RSU1: variants seen among roughly 807,000 people sequenced by gnomAD.
The protein encoded by RSU1 is rsu-1.
In RSU1, 26 loss-of-function variants were observed where a neutral mutation model predicts 31.1. The observed-to-expected ratio is 0.84, with a 90% CI of 0.61 to 1.16. The LOEUF (loss-of-function observed/expected upper bound fraction) is 1.16, where lower values mean the gene tolerates loss of function less well. Ranked by LOEUF, RSU1 falls within the 50% of genes most tolerant of loss-of-function variation. The pLI, the probability that RSU1 is intolerant of heterozygous loss-of-function variation, is 0.00. For synonymous variants in RSU1, 164 were observed against 136.3 expected (o/e 1.20, Z -1.41); for missense variants, 320 against 339.1 (o/e 0.94, Z 0.44).
chr10:16,724,984 C>T (rs1328038745), intron 7 of RSU1, among the ~76,000 whole-genome samples: 1 of 152,190 alleles, frequency 6.6e-6, no homozygotes, highest in Non-Finnish European at 1.5e-5. Flanking sequence ...ATATTAGAAG[C>T]TGAAGAAGTA....
chr10:16,728,491 C>T (rs1836440478), intron 7 of RSU1, among the ~76,000 whole-genome samples: 1 of 152,150 alleles, frequency 6.6e-6, no homozygotes, highest in Non-Finnish European at 1.5e-5. Flanking sequence ...GACACATAGG[C>T]CCATCATGAA....
At chr10:16,788,812 T>C (rs1837852587) in intron 2 of RSU1, among the ~76,000 whole-genome samples, 1 of 152,170 alleles carries the variant, frequency 6.6e-6, no homozygotes, top group Non-Finnish European at 1.5e-5. Context: ...TTAATCAAAA[T>C]TCAGTAACAC....
At chr10:16,632,842 G>A (rs1348763683) in intron 8 of RSU1, among the ~76,000 whole-genome samples, 2 of 152,116 alleles carry the variant, frequency 1.3e-5, no homozygotes, top group Admixed American at 1.3e-4. Context: ...CTCCTAGGGA[G>A]GCTGAGATGG....
rs1249047284 is a variant in RSU1, at chr10:16,590,838, ATAGT to A, written c.*2552_*2555del. ...TTGACACAGCTGGGACCATCCTTAT[ATAGT>A]TAGTTTTAAAAATCTTGCTTTTTCT... On this transcript the variant is annotated 3_prime_UTR_variant, in exon 9 of 9. Transcript: ENST00000345264. The A allele has an allele frequency of 7.2e-5, 11 of 152,290 alleles. No homozygotes were observed. Among genetic ancestry groups the A allele is most frequent in the East Asian group, 3.9e-4 (2 of 5,180 alleles). The allele number at this position is 152,290 out of a possible 1,614,324, so 9.4% of individuals were successfully genotyped here.
Position 16,695,165 on chromosome 10 carries a change from G to GGT in RSU1, c.599-11_599-10insAC. ...GTTAAATCCAAGTTTCCTGGGGGGG[G>GGT]GGAAAAAAAAAGTGAAGGTCACTTC... On this transcript the variant is annotated splice_polypyrimidine_tract_variant and intron_variant, in intron 7 of 8. Transcript: ENST00000345264. The GGT allele has an allele frequency of 2.1e-6, 3 of 1,430,932 alleles. No individual in the cohort carries two copies. Among genetic ancestry groups the GGT allele is most frequent in the South Asian group, 1.2e-5 (1 of 81,394 alleles). The allele number at this position is 1,430,932 out of a possible 1,614,324, so 88.6% of individuals were successfully genotyped here.
intron 8 of RSU1, among the ~76,000 whole-genome samples, chr10:16,683,425 G>C (rs536431119): frequency 6.6e-6 from 1 of 152,180 alleles, no homozygotes; most frequent in East Asian, 1.9e-4. Context: ...AAATAGCCCA[G>C]GAAATACTGT....
chr10:16,704,101 A>G (rs2131574009), intron 7 of RSU1, among the ~76,000 whole-genome samples: 1 of 152,330 alleles, frequency 6.6e-6, no homozygotes, highest in Admixed American at 6.5e-5. Context: ...AATTTTTAAC[A>G]TTAGAACTTT....
At chr10:16,792,824 G>A (rs1044651151) in intron 2 of RSU1, among the ~76,000 whole-genome samples, 48 of 152,208 alleles carry the variant, frequency 3.2e-4, no homozygotes, top group African/African-American at 1.1e-3. Flanking sequence ...ACTAGAAACA[G>A]CCACAGCTTT....
chr10:16,678,481 T>C (rs1425963667), intron 8 of RSU1, among the ~76,000 whole-genome samples: 1 of 152,294 alleles, frequency 6.6e-6, no homozygotes, highest in African/African-American at 2.4e-5. Context: ...ACCTTGAAAA[T>C]TTTTAGTGTA....
Position 16,765,793 on chromosome 10 carries a change from T to A in RSU1, c.161-1283A>T, listed in dbSNP as rs113144110. 4.6e-5 allele frequency among the ~76,000 whole-genome samples: 7 copies of A among 152,282 alleles called. 1 individual carries two copies. Among genetic ancestry groups the A allele is most frequent in the African/African-American group, 1.7e-4 (7 of 41,562 alleles). On this transcript the variant is annotated intron_variant, in intron 3 of 8. Coordinates refer to ENST00000345264, the MANE Select transcript of RSU1 (RefSeq NM_012425.4). ...TCTTATCAGTCAGGTTTACTTCCCA[T>A]CCCATCTGCTTCCTCCAGGGGTGCC...
At chr10:16,596,581 A>G (rs544517032) in intron 8 of RSU1, among the ~76,000 whole-genome samples, 1 of 152,316 alleles carries the variant, frequency 6.6e-6, no homozygotes, top group Admixed American at 6.5e-5. Context: ...ACAGGCACCT[A>G]CGGCCTAGGT....
intron 7 of RSU1, among the ~76,000 whole-genome samples, chr10:16,718,917 G>A (rs1836198370): frequency 6.6e-6 from 1 of 150,580 alleles, no homozygotes; most frequent in African/African-American, 2.4e-5. Context: ...GGAGGTGGAG[G>A]TTGAAGTGAG....
At chr10:16,613,230 T>A (rs930434307) in intron 8 of RSU1, among the ~76,000 whole-genome samples, 2 of 152,194 alleles carry the variant, frequency 1.3e-5, no homozygotes, top group African/African-American at 2.4e-5. Context: ...AAAGCCAATA[T>A]GAAAAATTCA....
intron 8 of RSU1, among the ~76,000 whole-genome samples, chr10:16,625,416 T>C (rs1443622941): frequency 2.0e-5 from 3 of 152,156 alleles, no homozygotes; most frequent in Non-Finnish European, 4.4e-5. Context: ...CAGAAAAATC[T>C]CACCATCCTC....
intron 8 of RSU1, among the ~76,000 whole-genome samples, chr10:16,650,648 C>T (rs1294303300): frequency 1.4e-5 from 2 of 145,842 alleles, no homozygotes; most frequent in Non-Finnish European, 3.0e-5. Context: ...GGCACAATCT[C>T]GGCTCACTGC....
chr10:16,646,052 A>G lies in RSU1; in HGVS notation c.731+48971T>C, dbSNP rs551541995. Among the ~76,000 whole-genome samples, 112 of 28,298 alleles carry G rather than the reference A, an allele frequency of 4.0e-3. 16 individuals carry two copies. Among genetic ancestry groups the G allele is most frequent in the Non-Finnish European group, 6.6e-3 (88 of 13,384 alleles). The allele number at this position is 28,298 out of a possible 152,430, so 18.6% of individuals were successfully genotyped here. ...TATATGTGTATATACATATATGTGT[A>G]TATATATATACACACACACACACAC... On this transcript the variant is annotated intron_variant, in intron 8 of 8. Coordinates refer to ENST00000345264, the MANE Select transcript of RSU1 (RefSeq NM_012425.4).
At chr10:16,779,937 C>G (rs1203292634) in intron 3 of RSU1, among the ~76,000 whole-genome samples, 1 of 151,842 alleles carries the variant, frequency 6.6e-6, no homozygotes, top group Non-Finnish European at 1.5e-5. Flanking sequence ...CAGAATTTAC[C>G]AAGACTATTA....
At chr10:16,813,182 T>C (rs1175690979) in intron 2 of RSU1, among the ~76,000 whole-genome samples, 1 of 152,184 alleles carries the variant, frequency 6.6e-6, no homozygotes, top group Non-Finnish European at 1.5e-5. Flanking sequence ...CACACTGGTG[T>C]TCTTGGAAGC....
intron 7 of RSU1, among the ~76,000 whole-genome samples, chr10:16,709,963 A>C (rs1435629605): frequency 1.3e-5 from 2 of 152,194 alleles, no homozygotes; most frequent in African/African-American, 2.4e-5. Flanking sequence ...TCATGTCTGC[A>C]AACAGGACAA....
Sources: allele counts gnomAD v4.1 joint callset (sites outside exome capture counted in the v4.1 genomes callset), GRCh38; gene constraint gnomAD v4.1.1; transcripts MANE v1.5; gene names NCBI Gene and HGNC (gene_info 2026-07-23, HGNC 2026-07-21).